The following ABCC4 variants were observed in gnomAD, a reference collection of about 807,000 sequenced individuals.
ABCC4 encodes ATP-binding cassette sub-family C member 4.
Under a neutral mutation model 168.5 loss-of-function variants are expected in ABCC4, and 102 were observed. That is an observed-to-expected ratio of 0.61 (90% CI 0.52 to 0.71). The LOEUF is 0.71. ABCC4 is among the 30% of genes least tolerant of loss of function. The pLI, the probability that ABCC4 is intolerant of heterozygous loss-of-function variation, is 0.00. For synonymous variants in ABCC4, 617 were observed against 590.7 expected, an observed-to-expected ratio of 1.04 and a Z score of -0.65; for missense variants, 1,402 against 1,605.8, an observed-to-expected ratio of 0.87 and a Z score of 2.17.
intron 30 of ABCC4, among the ~76,000 whole-genome samples, chr13:95,021,975 G>C (rs2031112208): frequency 6.6e-6 from 1 of 152,144 alleles, no homozygotes; most frequent in African/African-American, 2.4e-5. Context: ...TCATTTTACT[G>C]ACTCAAAACC....
chr13:95,245,805 T>C (rs1391842425), intron 3 of ABCC4, among the ~76,000 whole-genome samples: 1 of 151,258 alleles, frequency 6.6e-6, no homozygotes, highest in Admixed American at 6.6e-5. Context: ...TGCCTCCCAC[T>C]GCCCACCGTG....
At chr13:95,144,129 T>C (rs1594174919) in intron 19 of ABCC4, among the ~76,000 whole-genome samples, 1 of 152,324 alleles carries the variant, frequency 6.6e-6, no homozygotes, top group East Asian at 1.9e-4. Context: ...GATGGATTTT[T>C]CCAGGTCACA....
chr13:95,188,352 C>T, intron 10 of ABCC4, 101 bp downstream of exon 10: 1 of 1,044,944 alleles, frequency 9.6e-7, no homozygotes, highest in Non-Finnish European at 1.5e-6. Context: ...GCCAAGTGTA[C>T]CCAGTTCAAA....
At chr13:95,272,020 A>T (rs1463998009) in intron 1 of ABCC4, among the ~76,000 whole-genome samples, 2 of 152,078 alleles carry the variant, frequency 1.3e-5, no homozygotes, top group African/African-American at 4.8e-5. Flanking sequence ...CCTCAGAGGA[A>T]ATGCTCCAGC....
At chr13:95,180,059 C>G (rs2037838273) in intron 11 of ABCC4, among the ~76,000 whole-genome samples, 1 of 152,070 alleles carries the variant, frequency 6.6e-6, no homozygotes. Context: ...AGTACATCAC[C>G]AAATGGAAAA....
chr13:95,032,957 C>T (rs543777822), intron 30 of ABCC4, among the ~76,000 whole-genome samples: 3 of 144,528 alleles, frequency 2.1e-5, no homozygotes, highest in South Asian at 2.2e-4. Context: ...TGAGCCATCA[C>T]GCCTGGTCTT....
chr13:95,173,865 C>T (rs1001986530), intron 13 of ABCC4, among the ~76,000 whole-genome samples: 17 of 152,306 alleles, frequency 1.1e-4, no homozygotes, highest in Admixed American at 2.0e-4. Flanking sequence ...GGGAAGCTGC[C>T]GTACCCCTTC....
At chr13:95,236,447 A>C (rs975667656) in intron 3 of ABCC4, among the ~76,000 whole-genome samples, 1 of 152,334 alleles carries the variant, frequency 6.6e-6, no homozygotes, top group East Asian at 1.9e-4. Context: ...AGAGAAGAAC[A>C]ATCAGTAAAA....
At chr13:95,184,384 C>T (rs1231672555) in intron 11 of ABCC4, among the ~76,000 whole-genome samples, 2 of 152,160 alleles carry the variant, frequency 1.3e-5, no homozygotes, top group Non-Finnish European at 2.9e-5. Context: ...TTATCAATCA[C>T]CTAATTGTTA....
chr13:95,038,880 G>T (rs1318276662), intron 29 of ABCC4, among the ~76,000 whole-genome samples: 1 of 152,128 alleles, frequency 6.6e-6, no homozygotes, highest in Non-Finnish European at 1.5e-5. Flanking sequence ...GGAGGTATAG[G>T]GATGCTAGGA....
chr13:95,214,737 T>G (rs922995767), intron 4 of ABCC4, among the ~76,000 whole-genome samples: 1 of 151,736 alleles, frequency 6.6e-6, no homozygotes, highest in South Asian at 2.1e-4. Flanking sequence ...AATACAAAAA[T>G]TAGCCGGGCA....
At chr13:95,221,557 T>A (rs2039311554) in intron 4 of ABCC4, among the ~76,000 whole-genome samples, 2 of 152,118 alleles carry the variant, frequency 1.3e-5, no homozygotes, top group South Asian at 4.1e-4. Flanking sequence ...CAATTTTTTT[T>A]AATTTTTAGT....
At chr13:95,255,808 T>C (rs2040378290) in intron 1 of ABCC4, among the ~76,000 whole-genome samples, 2 of 152,162 alleles carry the variant, frequency 1.3e-5, no homozygotes, top group African/African-American at 4.8e-5. Flanking sequence ...TTCCATGCCA[T>C]AGGCACCTCA....
At chr13:95,209,024 C>G (rs1594301750) in intron 6 of ABCC4, among the ~76,000 whole-genome samples, 1 of 142,014 alleles carries the variant, frequency 7.0e-6, no homozygotes, top group East Asian at 2.0e-4. Flanking sequence ...AATGGAAATA[C>G]TGAATTAAAA....
chr13:95,138,943 A>T (rs2036225891), intron 19 of ABCC4, among the ~76,000 whole-genome samples: 1 of 152,072 alleles, frequency 6.6e-6, no homozygotes, highest in South Asian at 2.1e-4. Flanking sequence ...CCAACCACCC[A>T]TCCCCATGAC....
intron 1 of ABCC4, among the ~76,000 whole-genome samples, chr13:95,262,397 T>C (rs1359154330): frequency 1.3e-5 from 2 of 152,230 alleles, no homozygotes; most frequent in Non-Finnish European, 2.9e-5. Context: ...ATTTGTTTCC[T>C]AATACAGATC....
intron 13 of ABCC4, among the ~76,000 whole-genome samples, chr13:95,175,235 T>G (rs1194030844): frequency 1.3e-5 from 2 of 152,102 alleles, no homozygotes; most frequent in Non-Finnish European, 2.9e-5. Flanking sequence ...TGAACCATGC[T>G]CCCCTCAAAG....
intron 19 of ABCC4, among the ~76,000 whole-genome samples, chr13:95,148,619 C>CACAT (rs2036573995): frequency 6.6e-6 from 1 of 151,232 alleles, no homozygotes; most frequent in Admixed American, 6.6e-5. Context: ...CACACACACA[C>CACAT]ACACACACAC....
At chr13:95,225,958 C>T (rs1308791466) in intron 4 of ABCC4, among the ~76,000 whole-genome samples, 1 of 99,238 alleles carries the variant, frequency 1.0e-5, no homozygotes, top group African/African-American at 4.0e-5. Flanking sequence ...ACTGAGACTC[C>T]ATCTCCACTT....
Sources: gnomAD v4.1 joint callset for allele counts (sites outside exome capture counted in the v4.1 genomes callset) on GRCh38, gnomAD v4.1.1 for gene constraint, MANE v1.5 for transcripts, NCBI Gene and HGNC (gene_info 2026-07-23, HGNC 2026-07-21) for gene names.